DNM3: variants seen among roughly 807,000 people sequenced by gnomAD.
The protein encoded by DNM3 is dynamin 3, also known as dynamin-3.
Under a neutral mutation model 101.6 loss-of-function variants are expected in DNM3, and 47 were observed. That is an observed-to-expected ratio of 0.46 (90% CI 0.37 to 0.59). The LOEUF (loss-of-function observed/expected upper bound fraction) is 0.59. Among genes scored for constraint, DNM3 ranks in the 20% least tolerant of loss-of-function variants. DNM3 has a pLI of 0.00. For missense variants in DNM3, 849 were observed against 1,085.7 expected (o/e 0.78, Z 3.06); for synonymous variants, 385 against 387.9 (o/e 0.99, Z 0.09).
chr1:172,418,425 A>G (rs2071506323), exon 21 of DNM3: 2 of 929,534 alleles, frequency 2.2e-6, no homozygotes, highest in Non-Finnish European at 1.4e-6. Context: ...TTTATTTTTC[A>G]TCCATGTGTA....
In DNM3 at chr1:172,412,634, A is replaced by G; in HGVS notation, c.*4793A>G. 1 of 985,848 alleles carries G rather than the reference A, an allele frequency of 1.0e-6. No individual in the cohort carries two copies. Among genetic ancestry groups the G allele is most frequent in the Non-Finnish European group, 1.2e-6 (1 of 829,908 alleles). 61.1% of individuals were successfully genotyped at this position (985,848 alleles called of 1,614,324 possible). On this transcript the variant is annotated 3_prime_UTR_variant, in exon 21 of 21. Transcript: ENST00000627582. ...TTTGAAGAAAAATCTCAAAGCCTGT[A>G]TCGTTCTTGAAGGTCACATGTACCT...
chr1:172,113,983 G>T (rs1231917385), intron 13 of DNM3, among the ~76,000 whole-genome samples: 3 of 152,168 alleles, frequency 2.0e-5, no homozygotes, highest in Non-Finnish European at 4.4e-5. Flanking sequence ...TCTTCTGGGG[G>T]TGGGGTGGTA....
chr1:171,967,233 C>T (rs1223359973), intron 2 of DNM3, among the ~76,000 whole-genome samples: 3 of 152,126 alleles, frequency 2.0e-5, no homozygotes, highest in South Asian at 2.1e-4. Flanking sequence ...CAGATTTCCA[C>T]TGGAACTAAA....
rs879870947 is a variant in DNM3 at position 172,289,942 on chromosome 1, G to T, written c.1770-18786G>T. On this transcript the variant is annotated intron_variant, in intron 15 of 20. Coordinates refer to ENST00000627582, the MANE Select transcript of DNM3 (RefSeq NM_015569.5). ...GTGAAATCAGCAATATTATCTGTAAGGTAAAAGACAATTTATAGTCCTAAT... is the reference window on the plus strand; with the variant it reads ...GTGAAATCAGCAATATTATCTGTAATGTAAAAGACAATTTATAGTCCTAAT... 1.8e-5 allele frequency: 17 copies of T among 942,674 alleles called. No homozygotes were observed. In the Middle Eastern group the frequency reaches 1.7e-3, roughly 92 times the overall value. The allele number at this position is 942,674 out of a possible 1,614,324, so 58.4% of individuals were successfully genotyped here.
In DNM3 at chr1:172,083,792, T is replaced by C. The variant is rs556625487; in HGVS notation, c.1493+1890T>C. Among the ~76,000 whole-genome samples, 9 of 152,294 alleles carry C rather than the reference T, an allele frequency of 5.9e-5. No individual in the cohort carries two copies. In the South Asian group the frequency reaches 1.5e-3, roughly 25 times the overall value. ...GAAGCTGTTGGACTATGGTTTTATA[T>C]TGATTATATTGATTTATAGGTTTCC... is the stretch of plus-strand genomic sequence containing the variant. On this transcript the variant is annotated intron_variant, in intron 12 of 20. Transcript: ENST00000627582.
chr1:172,317,532 C>T (rs866713805), intron 16 of DNM3, among the ~76,000 whole-genome samples: 152 of 151,994 alleles, frequency 1.0e-3, no homozygotes, highest in Middle Eastern at 6.8e-3. Context: ...ATCAAATAGA[C>T]GCAATAAAAA....
At position 172,288,269 on chromosome 1, in the gene DNM3, T is replaced by C. The variant is rs919019761; in HGVS notation, c.1770-20459T>C. Among the ~76,000 whole-genome samples the C allele has an allele frequency of 3.9e-5, 6 of 152,136 alleles. 1 individual carries two copies. In the South Asian group the frequency reaches 1.2e-3, roughly 32 times the overall value. ...TTCAGGGAATGGTCAAAACTAACACTAGAAGAATGCATAGAAATAGATTAG... is the reference window on the plus strand; with the variant it reads ...TTCAGGGAATGGTCAAAACTAACACCAGAAGAATGCATAGAAATAGATTAG... On this transcript the variant is annotated intron_variant, in intron 15 of 20. Coordinates refer to ENST00000627582, the MANE Select transcript of DNM3 (RefSeq NM_015569.5).
chr1:172,379,039 C>A lies in DNM3; in HGVS notation c.1915C>A (p.Gln639Lys). Reference sequence around the variant, plus strand: ...TTAGGCTGAAAATGATGAGAATGGACAAGCAGAAAACTTTTCCATGGACCC... The same window carrying A: ...TTAGGCTGAAAATGATGAGAATGGAAAAGCAGAAAACTTTTCCATGGACCC... ...NNKAENDENG[Q>K]AENFSMDPQL... Residue 639 changes from glutamine to lysine, a missense_variant, in exon 18 of 21, where the codon CAA becomes AAA. Coordinates refer to ENST00000627582, the MANE Select transcript of DNM3 (RefSeq NM_015569.5). 1 of 1,611,728 alleles carries A rather than the reference C, an allele frequency of 6.2e-7. No homozygotes were observed. Among genetic ancestry groups the A allele is most frequent in the Non-Finnish European group, 8.5e-7 (1 of 1,178,712 alleles).
At chr1:172,220,650 G>A (rs886593140) in intron 14 of DNM3, among the ~76,000 whole-genome samples, 6 of 152,100 alleles carry the variant, frequency 3.9e-5, no homozygotes, top group Non-Finnish European at 7.4e-5. Flanking sequence ...AAATGGTAGA[G>A]GAAATGGAGA....
intron 16 of DNM3, among the ~76,000 whole-genome samples, chr1:172,317,194 A>C (rs377594236): frequency 6.6e-6 from 1 of 151,770 alleles, no homozygotes; most frequent in Non-Finnish European, 1.5e-5. Flanking sequence ...AACCAACGAG[A>C]ACAAAGACAC....
At chr1:172,232,418 G>C (rs934770511) in intron 14 of DNM3, among the ~76,000 whole-genome samples, 33 of 152,218 alleles carry the variant, frequency 2.2e-4, no homozygotes, top group African/African-American at 7.7e-4. Flanking sequence ...AAGAGAATTA[G>C]ACTCCCATAC....
At chr1:171,948,101 A>G (rs2042278450) in intron 2 of DNM3, among the ~76,000 whole-genome samples, 1 of 152,240 alleles carries the variant, frequency 6.6e-6, no homozygotes, top group Admixed American at 6.5e-5. Flanking sequence ...GGAGTGCTTT[A>G]TAAATTATTT....
chr1:171,974,980 G>A (rs902592587), intron 2 of DNM3, among the ~76,000 whole-genome samples: 1 of 151,592 alleles, frequency 6.6e-6, no homozygotes, highest in Non-Finnish European at 1.5e-5. Context: ...TTACCGAATA[G>A]CTAAAGACTG....
chr1:171,849,801 A>G (rs1159008838), intron 1 of DNM3, among the ~76,000 whole-genome samples: 2 of 152,164 alleles, frequency 1.3e-5, no homozygotes, highest in African/African-American at 4.8e-5. Flanking sequence ...GTTTACTTTA[A>G]TTTAGAAATA....
chr1:172,253,770 G>T, intron 15 of DNM3, 88 bp downstream of exon 15: 1 of 783,738 alleles, frequency 1.3e-6, no homozygotes, highest in Non-Finnish European at 1.9e-6. Context: ...TAGTTCCTTT[G>T]GTCACACCTT....
intron 13 of DNM3, among the ~76,000 whole-genome samples, chr1:172,097,551 G>A (rs76156466): frequency 0.016 from 2,472 of 152,294 alleles, 26 homozygotes; most frequent in Middle Eastern, 0.065. Flanking sequence ...ATCCGAAGCC[G>A]TGGGAGTACA....
At chr1:172,200,864 T>G (rs768703118) in intron 14 of DNM3, among the ~76,000 whole-genome samples, 5 of 152,172 alleles carry the variant, frequency 3.3e-5, no homozygotes, top group Non-Finnish European at 5.9e-5. Flanking sequence ...TGATCTCTGT[T>G]CCTGTCCATA....
At chr1:172,348,335 A>G (rs1035674245) in intron 17 of DNM3, among the ~76,000 whole-genome samples, 6 of 152,270 alleles carry the variant, frequency 3.9e-5, no homozygotes, top group Non-Finnish European at 1.5e-5. Context: ...ATGATACATA[A>G]TAAGTAACAA....
At chr1:172,074,700 T>C (rs2052495878) in intron 11 of DNM3, among the ~76,000 whole-genome samples, 1 of 152,234 alleles carries the variant, frequency 6.6e-6, no homozygotes, top group African/African-American at 2.4e-5. Flanking sequence ...CCACATTTTC[T>C]TTATCCAGTG....
Sources: gnomAD v4.1 joint callset for allele counts (sites outside exome capture counted in the v4.1 genomes callset) on GRCh38, gnomAD v4.1.1 for gene constraint, MANE v1.5 for transcripts, NCBI Gene and HGNC (gene_info 2026-07-23, HGNC 2026-07-21) for gene names.